Variants in CNTNAP5 observed in about 807,000 individuals in gnomAD.
The protein encoded by CNTNAP5 is contactin associated protein family member 5, also known as contactin-associated protein-like 5.
A neutral mutation model predicts 150.2 loss-of-function variants in CNTNAP5; 72 were observed. The observed-to-expected ratio is 0.48, with a 90% confidence interval of 0.40 to 0.58. The LOEUF is 0.58. Ranked by LOEUF, CNTNAP5 falls within the 20% of genes least tolerant of loss-of-function variation. The probability of loss-of-function intolerance (pLI) is 0.00; values close to 1 mark genes in which losing one functional copy is unlikely to be tolerated. For synonymous variants in CNTNAP5, 672 were observed against 619.8 expected, an observed-to-expected ratio of 1.08 and a Z score of -1.25; for missense variants, 1,636 against 1,626.2, an observed-to-expected ratio of 1.01 and a Z score of -0.10.
intron 3 of CNTNAP5, among the ~76,000 whole-genome samples, chr2:124,394,425 G>A (rs1294935597): frequency 6.6e-6 from 1 of 151,416 alleles, no homozygotes; most frequent in African/African-American, 2.4e-5. Context: ...AGAAAAAGGT[G>A]AATGCAGAGC....
At chr2:124,875,660 C>T (rs927254459) in intron 21 of CNTNAP5, among the ~76,000 whole-genome samples, 6 of 147,370 alleles carry the variant, frequency 4.1e-5, no homozygotes, top group Admixed American at 2.0e-4. Flanking sequence ...TTTTTCTTTA[C>T]TTTCAAGGTT....
chr2:124,677,829 A>C (rs1678979933), intron 13 of CNTNAP5, among the ~76,000 whole-genome samples: 1 of 151,812 alleles, frequency 6.6e-6, no homozygotes, highest in South Asian at 2.1e-4. Flanking sequence ...CCAAGTCCCC[A>C]CCCAACCCAG....
At chr2:124,561,552 T>C (rs918434328) in intron 10 of CNTNAP5, among the ~76,000 whole-genome samples, 6 of 152,318 alleles carry the variant, frequency 3.9e-5, no homozygotes, top group African/African-American at 1.4e-4. Flanking sequence ...GTTTGTTTGG[T>C]TGTTTTGTGT....
At chr2:124,164,820 A>G (rs1684772434) in intron 1 of CNTNAP5, among the ~76,000 whole-genome samples, 1 of 152,070 alleles carries the variant, frequency 6.6e-6, no homozygotes, top group Non-Finnish European at 1.5e-5. Context: ...TATTCACCTC[A>G]CCTAGGTAAC....
At chr2:124,293,408 A>C (rs748782834) in intron 3 of CNTNAP5, among the ~76,000 whole-genome samples, 20 of 152,190 alleles carry the variant, frequency 1.3e-4, no homozygotes, top group Non-Finnish European at 2.8e-4. Context: ...AAATATTAAA[A>C]TTCCAATGCA....
intron 12 of CNTNAP5, 71 bp from the exon 13 acceptor site, chr2:124,647,687 A>C (rs953854719): frequency 1.4e-6 from 2 of 1,420,704 alleles, no homozygotes; most frequent in African/African-American, 2.8e-5. Context: ...GTGGCCCATC[A>C]CACTGCTCAC....
At chr2:124,311,459 G>A (rs1688828963) in intron 3 of CNTNAP5, among the ~76,000 whole-genome samples, 1 of 152,082 alleles carries the variant, frequency 6.6e-6, no homozygotes, top group Non-Finnish European at 1.5e-5. Context: ...AGGAGTGTGG[G>A]GAGAAAGCGA....
chr2:124,525,278 T>C (rs1694937626), intron 9 of CNTNAP5, among the ~76,000 whole-genome samples: 1 of 152,224 alleles, frequency 6.6e-6, no homozygotes, highest in South Asian at 2.1e-4. Context: ...TTGAGAAAGA[T>C]ACTTATAGTC....
chr2:124,562,876 T>G (rs941447984), intron 10 of CNTNAP5, among the ~76,000 whole-genome samples: 14 of 152,168 alleles, frequency 9.2e-5, no homozygotes, highest in Non-Finnish European at 2.1e-4. Context: ...ATTATCTTTA[T>G]ACATTTTATT....
At chr2:124,543,960 T>C (rs1213183636) in intron 10 of CNTNAP5, among the ~76,000 whole-genome samples, 1 of 151,946 alleles carries the variant, frequency 6.6e-6, no homozygotes, top group East Asian at 1.9e-4. Context: ...AGTTTTTTTT[T>C]CCTGCTAATT....
intron 6 of CNTNAP5, among the ~76,000 whole-genome samples, chr2:124,462,569 T>C (rs2104822403): frequency 6.6e-6 from 1 of 152,338 alleles, no homozygotes; most frequent in African/African-American, 2.4e-5. Flanking sequence ...TATTAGCTGC[T>C]ATTAGGGGGA....
At chr2:124,678,146 A>T (rs1233110763) in intron 13 of CNTNAP5, among the ~76,000 whole-genome samples, 2 of 151,750 alleles carry the variant, frequency 1.3e-5, no homozygotes, top group Non-Finnish European at 2.9e-5. Flanking sequence ...TTTGGTGCAC[A>T]TGCCTGGGGT....
intron 3 of CNTNAP5, among the ~76,000 whole-genome samples, chr2:124,300,489 C>T (rs1688547159): frequency 6.6e-6 from 1 of 151,870 alleles, no homozygotes; most frequent in Non-Finnish European, 1.5e-5. Context: ...TAGTTCTAGG[C>T]ATGGAGCAGA....
At chr2:124,493,132 T>C (rs1694069620) in intron 7 of CNTNAP5, among the ~76,000 whole-genome samples, 1 of 152,064 alleles carries the variant, frequency 6.6e-6, no homozygotes, top group Admixed American at 6.6e-5. Context: ...CTTTACTATG[T>C]TGAGATACAT....
intron 6 of CNTNAP5, among the ~76,000 whole-genome samples, chr2:124,448,660 AT>A (rs1323912202): frequency 2.0e-5 from 3 of 152,162 alleles, no homozygotes; most frequent in Non-Finnish European, 4.4e-5. Flanking sequence ...TTTTTTTATG[AT>A]GTGTGAGTTA....
intron 1 of CNTNAP5, among the ~76,000 whole-genome samples, chr2:124,122,793 C>CA (rs1491177985): frequency 2.0e-3 from 291 of 143,338 alleles, no homozygotes; most frequent in Non-Finnish European, 3.1e-3. Flanking sequence ...CACACACACA[C>CA]CCACACCTTT....
intron 13 of CNTNAP5, among the ~76,000 whole-genome samples, chr2:124,657,639 G>A (rs1678487557): frequency 6.6e-6 from 1 of 152,070 alleles, no homozygotes; most frequent in Non-Finnish European, 1.5e-5. Flanking sequence ...TTTCCCTCTG[G>A]CCTGGAAGCA....
At chr2:124,714,228 C>T (rs1490395547) in intron 13 of CNTNAP5, among the ~76,000 whole-genome samples, 3 of 151,986 alleles carry the variant, frequency 2.0e-5, no homozygotes, top group Non-Finnish European at 4.4e-5. Context: ...ATTTTTTTCA[C>T]CTCTATCTGC....
In CNTNAP5 at chr2:124,706,551, A is replaced by AG. The variant is rs764327966; in HGVS notation, c.2078-40677dup. Among the ~76,000 whole-genome samples, 270 of 152,064 alleles carry AG rather than the reference A, an allele frequency of 1.8e-3. 2 individuals carry two copies. Among genetic ancestry groups the AG allele is most frequent in the Non-Finnish European group, 3.2e-3 (220 of 67,998 alleles). ...CACTTGAGGTCAGGAGTTCAAGACCAGCTTGGCCAAAGTGGTGAAACCCCA... is the reference window on the plus strand; with the variant it reads ...CACTTGAGGTCAGGAGTTCAAGACCAGGCTTGGCCAAAGTGGTGAAACCCCA... On this transcript the variant is annotated intron_variant, in intron 13 of 23. Transcript: ENST00000682447.
Sources: gnomAD v4.1 joint callset for allele counts (sites outside exome capture counted in the v4.1 genomes callset) on GRCh38, gnomAD v4.1.1 for gene constraint, MANE v1.5 for transcripts, NCBI Gene and HGNC (gene_info 2026-07-23, HGNC 2026-07-21) for gene names.